Variants in NTRK3 observed in about 807,000 individuals in gnomAD.
NTRK3 encodes the protein neurotrophic receptor tyrosine kinase 3, also known as NT-3 growth factor receptor.
A neutral mutation model predicts 91.7 loss-of-function variants in NTRK3; 24 were observed. That is an observed-to-expected ratio of 0.26 (90% CI 0.19 to 0.37). NTRK3 has a LOEUF of 0.37. Among genes scored for constraint, NTRK3 ranks in the 10% least tolerant of loss-of-function variants. The pLI, the probability that NTRK3 is intolerant of heterozygous loss-of-function variation, is 1.00. For synonymous variants in NTRK3, 483 were observed against 404.0 expected (o/e 1.20, Z -2.34); for missense variants, 880 against 1,068.9 (o/e 0.82, Z 2.46).
intron 13 of NTRK3, among the ~76,000 whole-genome samples, chr15:88,076,635 GA>G (rs570081093): frequency 1.3e-4 from 19 of 150,130 alleles, no homozygotes; most frequent in Middle Eastern, 3.4e-3. Flanking sequence ...AGAGCATTAG[GA>G]GGGAGCTGAT....
chr15:88,106,063 G>A (rs2050673514), intron 13 of NTRK3, among the ~76,000 whole-genome samples: 1 of 152,232 alleles, frequency 6.6e-6, no homozygotes. Context: ...GTATGTTCAA[G>A]GATTCTGTTG....
chr15:88,023,249 C>A (rs1464312385), intron 14 of NTRK3, among the ~76,000 whole-genome samples: 1 of 152,148 alleles, frequency 6.6e-6, no homozygotes, highest in Non-Finnish European at 1.5e-5. Flanking sequence ...CCCAAGATAT[C>A]TCATTCTGGC....
At chr15:87,893,542 G>C (rs1209497567) in intron 17 of NTRK3, among the ~76,000 whole-genome samples, 2 of 152,194 alleles carry the variant, frequency 1.3e-5, no homozygotes, top group Non-Finnish European at 2.9e-5. Flanking sequence ...AAAGAGAATT[G>C]TCTTGCTCAT....
At chr15:88,184,376 G>A in intron 3 of NTRK3, 77 bp from the exon 4 acceptor site, 2 of 1,376,956 alleles carry the variant, frequency 1.5e-6, no homozygotes, top group Non-Finnish European at 1.0e-6. Context: ...CAGAGACCTG[G>A]CTTTGATCCC....
chr15:88,103,514 G>A (rs1305316268), intron 13 of NTRK3, among the ~76,000 whole-genome samples: 2 of 152,094 alleles, frequency 1.3e-5, no homozygotes, highest in African/African-American at 4.8e-5. Flanking sequence ...TCACCAGAGT[G>A]GCGAAAGATG....
intron 5 of NTRK3, among the ~76,000 whole-genome samples, chr15:88,148,657 T>C (rs941128749): frequency 2.6e-5 from 4 of 152,058 alleles, no homozygotes; most frequent in Admixed American, 6.6e-5. Context: ...TTGCTGGCCA[T>C]GGGGAGGAGT....
In NTRK3 at chr15:87,912,931, A is replaced by AAAATAT. The variant is rs1484111389; in HGVS notation, c.2133+16259_2133+16260insATATTT. 3.9e-3 allele frequency among the ~76,000 whole-genome samples: 143 copies of AAAATAT among 36,374 alleles called. 2 individuals are homozygous for AAAATAT. The highest frequency in any genetic ancestry group is 6.0e-3 in the South Asian group (5 of 840). The allele number at this position is 36,374 out of a possible 152,430, so 23.9% of individuals were successfully genotyped here. A position where few individuals can be genotyped will look rare whatever the true frequency, so the allele number is the denominator to read the frequency against. ...TTCAACTTTTCAAAAAGTAAAAAAAAATATATATATATATATATATATATA... is the reference window on the plus strand; with the variant it reads ...TTCAACTTTTCAAAAAGTAAAAAAAAAAATATATATATATATATATATATATATATA... On this transcript the variant is annotated intron_variant, in intron 17 of 18. Coordinates refer to ENST00000394480, the Ensembl canonical transcript of NTRK3.
chr15:87,866,785 G>C (rs910735579), exon 19 of NTRK3: 1 of 193,294 alleles, frequency 5.2e-6, no homozygotes. Context: ...TCACAGAAAA[G>C]GTTTCATTTG....
chr15:88,178,867 T>C (rs1195915690), intron 5 of NTRK3, among the ~76,000 whole-genome samples: 3 of 152,292 alleles, frequency 2.0e-5, no homozygotes, highest in Middle Eastern at 3.4e-3. Flanking sequence ...AAAGAGCAGC[T>C]CTTTCACGGA....
intron 5 of NTRK3, among the ~76,000 whole-genome samples, chr15:88,175,165 C>T (rs2045882843): frequency 6.6e-6 from 1 of 152,228 alleles, no homozygotes; most frequent in African/African-American, 2.4e-5. Context: ...TTCTTAGCCA[C>T]AGTAAAAGTG....
chr15:88,208,379 G>T (rs1223150058), intron 3 of NTRK3, among the ~76,000 whole-genome samples: 1 of 152,074 alleles, frequency 6.6e-6, no homozygotes, highest in Non-Finnish European at 1.5e-5. Context: ...AAATAGAGTG[G>T]ACACAAAGGA....
chr15:88,100,114 C>T (rs538088539), intron 13 of NTRK3, among the ~76,000 whole-genome samples: 3 of 152,280 alleles, frequency 2.0e-5, no homozygotes, highest in East Asian at 3.9e-4. Flanking sequence ...AAGCTCACTC[C>T]TCACTCCTGT....
At position 88,153,534 on chromosome 15, in the gene NTRK3, T is replaced by C. The variant is rs138698986; in HGVS notation, c.396-6131A>G. 2.8e-3 allele frequency among the ~76,000 whole-genome samples: 428 copies of C among 152,312 alleles called. 3 individuals are homozygous for C. In the Middle Eastern group the frequency reaches 0.031, roughly 11 times the overall value. ...CCTCCCAAAGTGCTGGGATTACAGGTGTAAGCCACTGTGCCCAGCCTCTTT... is the reference window on the plus strand; with the variant it reads ...CCTCCCAAAGTGCTGGGATTACAGGCGTAAGCCACTGTGCCCAGCCTCTTT... On this transcript the variant is annotated intron_variant, in intron 5 of 18. Coordinates refer to ENST00000394480, the Ensembl canonical transcript of NTRK3.
At chr15:87,972,843 G>C (rs1289705839) in intron 14 of NTRK3, among the ~76,000 whole-genome samples, 2 of 152,146 alleles carry the variant, frequency 1.3e-5, no homozygotes, top group Non-Finnish European at 2.9e-5. Context: ...AGAGTTCCAA[G>C]TTCCTTCCCA....
At chr15:88,031,550 C>T (rs968768422) in intron 14 of NTRK3, among the ~76,000 whole-genome samples, 1 of 152,172 alleles carries the variant, frequency 6.6e-6, no homozygotes, top group Non-Finnish European at 1.5e-5. Context: ...CTTGCCCAGC[C>T]GTGGTTCAGA....
At chr15:87,982,141 T>C (rs971522107) in intron 14 of NTRK3, among the ~76,000 whole-genome samples, 2 of 152,200 alleles carry the variant, frequency 1.3e-5, no homozygotes, top group African/African-American at 2.4e-5. Flanking sequence ...ACATGAGCCC[T>C]TTCCCATATG....
chr15:87,943,767 C>T (rs1207504998), intron 14 of NTRK3, among the ~76,000 whole-genome samples: 2 of 152,008 alleles, frequency 1.3e-5, no homozygotes, highest in African/African-American at 4.8e-5. Flanking sequence ...GTTTCTCAGC[C>T]CTCCCTCAAC....
chr15:88,122,918 A>C (rs1035118413), intron 13 of NTRK3, among the ~76,000 whole-genome samples: 11 of 152,358 alleles, frequency 7.2e-5, no homozygotes, highest in African/African-American at 2.6e-4. Context: ...GTTTTCAGGC[A>C]TACTAGGCTG....
chr15:88,099,580 C>T (rs2049968422), intron 13 of NTRK3, among the ~76,000 whole-genome samples: 1 of 152,090 alleles, frequency 6.6e-6, no homozygotes, highest in Admixed American at 6.5e-5. Context: ...CATAAAAGTG[C>T]AAAATGCCAC....
Sources: allele counts gnomAD v4.1 joint callset (sites outside exome capture counted in the v4.1 genomes callset), GRCh38; gene constraint gnomAD v4.1.1; transcripts MANE v1.5; gene names NCBI Gene and HGNC (gene_info 2026-07-23, HGNC 2026-07-21).